GRM7: variants seen among roughly 807,000 people sequenced by gnomAD.
GRM7 encodes metabotropic glutamate receptor 7.
A neutral mutation model predicts 84.5 loss-of-function variants in GRM7; 35 were observed. The observed-to-expected ratio is 0.41, with a 90% CI of 0.32 to 0.55. GRM7 has a LOEUF of 0.55. Ranked by LOEUF, GRM7 falls within the 20% of genes least tolerant of loss-of-function variation. The pLI, the probability that GRM7 is intolerant of heterozygous loss-of-function variation, is 0.19. For synonymous variants in GRM7, 487 were observed against 455.1 expected, an observed-to-expected ratio of 1.07 and a Z score of -0.89; for missense variants, 1,003 against 1,194.6, an observed-to-expected ratio of 0.84 and a Z score of 2.36.
intron 1 of GRM7, among the ~76,000 whole-genome samples, chr3:7,049,001 AT>A (rs1696896613): frequency 6.6e-6 from 1 of 151,990 alleles, no homozygotes. Context: ...ACATAAGTGA[AT>A]TGTCATAGTG....
At chr3:6,969,408 GTTAA>G (rs757385186) in intron 1 of GRM7, among the ~76,000 whole-genome samples, 63 of 152,268 alleles carry the variant, frequency 4.1e-4, no homozygotes, top group Non-Finnish European at 6.5e-4. Flanking sequence ...ACTCAGAGAA[GTTAA>G]TTAAACTTTC....
chr3:7,684,441 C>G (rs1700500565), intron 9 of GRM7, among the ~76,000 whole-genome samples: 1 of 152,168 alleles, frequency 6.6e-6, no homozygotes, highest in African/African-American at 2.4e-5. Flanking sequence ...GCTCTAAACA[C>G]TTAGTCTCAA....
chr3:7,314,210 T>C (rs1220751941), intron 4 of GRM7, among the ~76,000 whole-genome samples: 4 of 152,302 alleles, frequency 2.6e-5, no homozygotes, highest in South Asian at 2.1e-4. Flanking sequence ...GAACTGATTA[T>C]GTGTATAATG....
intron 1 of GRM7, among the ~76,000 whole-genome samples, chr3:6,958,107 A>T (rs757597327): frequency 6.6e-6 from 1 of 151,950 alleles, no homozygotes; most frequent in Non-Finnish European, 1.5e-5. Context: ...ATATATATAT[A>T]CCCACTAGCC....
intron 1 of GRM7, among the ~76,000 whole-genome samples, chr3:7,107,139 C>A (rs914238938): frequency 1.3e-5 from 2 of 151,998 alleles, no homozygotes; most frequent in African/African-American, 4.8e-5. Flanking sequence ...TTTCTTTCAT[C>A]CAGCAAACTG....
intron 4 of GRM7, among the ~76,000 whole-genome samples, chr3:7,329,696 A>G (rs911087268): frequency 1.3e-5 from 2 of 152,170 alleles, no homozygotes; most frequent in African/African-American, 2.4e-5. Flanking sequence ...TGTCTCATCT[A>G]TGATTTCATG....
At chr3:7,144,171 T>TA (rs553622655) in intron 1 of GRM7, among the ~76,000 whole-genome samples, 95 of 152,280 alleles carry the variant, frequency 6.2e-4, no homozygotes, top group African/African-American at 2.1e-3. Context: ...AATGCTTATT[T>TA]AAAAAATATT....
intron 8 of GRM7, among the ~76,000 whole-genome samples, chr3:7,596,221 T>C (rs1575536513): frequency 6.6e-6 from 1 of 152,004 alleles, no homozygotes; most frequent in Non-Finnish European, 1.5e-5. Flanking sequence ...TGCGGACAGC[T>C]GTGTCAACAG....
intron 2 of GRM7, among the ~76,000 whole-genome samples, chr3:7,198,179 G>A (rs1695944306): frequency 6.6e-6 from 1 of 151,400 alleles, no homozygotes; most frequent in East Asian, 1.9e-4. Flanking sequence ...AGAGAGAGAT[G>A]GAAAACAGGC....
chr3:7,194,500 T>C (rs181187186), intron 2 of GRM7, among the ~76,000 whole-genome samples: 1 of 152,326 alleles, frequency 6.6e-6, no homozygotes, highest in East Asian at 1.9e-4. Flanking sequence ...TTTTAAATCC[T>C]TGTCTCCCCC....
chr3:7,719,999 G>A (rs1701890562), intron 9 of GRM7, among the ~76,000 whole-genome samples: 1 of 152,136 alleles, frequency 6.6e-6, no homozygotes, highest in Admixed American at 6.5e-5. Flanking sequence ...TAGTGGTGGT[G>A]GTGATGATGG....
chr3:7,372,145 C>T (rs1017304625), intron 4 of GRM7, among the ~76,000 whole-genome samples: 2 of 151,968 alleles, frequency 1.3e-5, no homozygotes, highest in African/African-American at 2.4e-5. Context: ...AGTCTGGGCA[C>T]TGTGGGAAGG....
chr3:7,297,864 A>G (rs1420045896), intron 2 of GRM7, among the ~76,000 whole-genome samples: 1 of 152,176 alleles, frequency 6.6e-6, no homozygotes, highest in African/African-American at 2.4e-5. Flanking sequence ...ATAAAATGCT[A>G]GATCCAGGAG....
intron 5 of GRM7, among the ~76,000 whole-genome samples, chr3:7,419,264 G>T (rs778904373): frequency 5.9e-5 from 9 of 152,108 alleles, no homozygotes; most frequent in Non-Finnish European, 1.5e-5. Flanking sequence ...AACATGAAGC[G>T]CAAGGCTTAA....
At chr3:7,146,299 T>C (rs1373667019) in intron 1 of GRM7, among the ~76,000 whole-genome samples, 153 bp from the exon 2 acceptor site, 1 of 152,188 alleles carries the variant, frequency 6.6e-6, no homozygotes, top group Non-Finnish European at 1.5e-5. Flanking sequence ...GATGGTTGCA[T>C]TTAGGTGGTC....
chr3:6,964,822 G>T (rs1693450990), intron 1 of GRM7, among the ~76,000 whole-genome samples: 1 of 152,104 alleles, frequency 6.6e-6, no homozygotes, highest in Admixed American at 6.5e-5. Flanking sequence ...CAGATTTCTT[G>T]GTATCTGACA....
At chr3:7,132,637 G>A (rs961226523) in intron 1 of GRM7, among the ~76,000 whole-genome samples, 1 of 152,080 alleles carries the variant, frequency 6.6e-6, no homozygotes, top group South Asian at 2.1e-4. Flanking sequence ...AAGAATAAAA[G>A]AACTAAATAA....
chr3:7,073,245 C>CA lies in GRM7; in HGVS notation c.520-73200dup, dbSNP rs543473137. 6.1e-4 allele frequency among the ~76,000 whole-genome samples: 93 copies of CA among 151,896 alleles called. 1 individual carries two copies. Among genetic ancestry groups the CA allele is most frequent in the Non-Finnish European group, 1.3e-4 (9 of 67,942 alleles). On this transcript the variant is annotated intron_variant, in intron 1 of 9. Transcript: ENST00000357716. ...AAAATAGTTAAATGCATCCAAGATA[C>CA]AAAAAAAGCATACCTTACTTCTTAT... is the stretch of plus-strand genomic sequence containing the variant.
At chr3:6,889,742 C>A (rs1695856585) in intron 1 of GRM7, among the ~76,000 whole-genome samples, 1 of 151,920 alleles carries the variant, frequency 6.6e-6, no homozygotes, top group South Asian at 2.1e-4. Context: ...TGATGCTGGC[C>A]TCAGCAAATG....
Sources: allele counts gnomAD v4.1 joint callset (sites outside exome capture counted in the v4.1 genomes callset), GRCh38; gene constraint gnomAD v4.1.1; transcripts MANE v1.5; gene names NCBI Gene and HGNC (gene_info 2026-07-23, HGNC 2026-07-21).